Variants in MRTO4 observed in about 807,000 individuals in gnomAD.
MRTO4 encodes mRNA turnover protein 4 homolog.
Under a neutral mutation model 28.6 loss-of-function variants are expected in MRTO4, and 7 were observed. The observed-to-expected ratio is 0.24, with a 90% CI of 0.14 to 0.46. The LOEUF (loss-of-function observed/expected upper bound fraction) is 0.46. Ranked by LOEUF, MRTO4 falls within the 20% of genes least tolerant of loss-of-function variation. The probability of loss-of-function intolerance (pLI) is 0.99; values close to 1 mark genes in which losing one functional copy is unlikely to be tolerated. For missense variants in MRTO4, 302 were observed against 298.3 expected (o/e 1.01, Z -0.09); for synonymous variants, 113 against 108.2 (o/e 1.04, Z -0.27).
intron 2 of MRTO4, 104 bp from the exon 3 acceptor site, chr1:19,255,844 C>A (rs6694099): frequency 0.1 from 95,473 of 931,176 alleles, 7,703 homozygotes; most frequent in African/African-American, 0.37. Context: ...TTCCAGTTTC[C>A]ATAGTTGTCA....
At chr1:19,253,247 C>CCTGTGGAATTGAGCAG (rs2093666173) in intron 1 of MRTO4, among the ~76,000 whole-genome samples, 1 of 152,104 alleles carries the variant, frequency 6.6e-6, no homozygotes, top group South Asian at 2.1e-4. Flanking sequence ...AAGCGAGCAA[C>CCTGTGGAATTGAGCAG]CTGTGGAATT....
At chr1:19,255,269 A>G (rs984689978) in intron 2 of MRTO4, among the ~76,000 whole-genome samples, 1 of 152,080 alleles carries the variant, frequency 6.6e-6, no homozygotes, top group Non-Finnish European at 1.5e-5. Flanking sequence ...CAAGTGGGTC[A>G]GACAGCTTGA....
chr1:19,255,817 T>G, intron 2 of MRTO4, 131 bp from the exon 3 acceptor site: 2 of 722,346 alleles, frequency 2.8e-6, no homozygotes, highest in Non-Finnish European at 4.6e-6. Context: ...GACAACCAAA[T>G]TAGAGGCCTC....
chr1:19,255,225 G>C (rs927610082), intron 2 of MRTO4, among the ~76,000 whole-genome samples: 1 of 152,060 alleles, frequency 6.6e-6, no homozygotes, highest in African/African-American at 2.4e-5. Flanking sequence ...CAGGAATGGT[G>C]GGCCACGCCT....
In MRTO4 at chr1:19,256,008, A is replaced by T. The variant is rs2093670869; in HGVS notation, c.148A>T (p.Asn50Tyr). ...LFIFSVANMR[N>Y]SKLKDIRNAW... The stretch of plus-strand genomic sequence containing the variant: ...CATCTTCTCTGTGGCCAACATGAGG[A>T]ACAGCAAGCTGAAGGACATCCGGAA... Residue 50 changes from asparagine (N) to tyrosine (Y), a missense_variant, in exon 3 of 8, where the codon AAC becomes TAC. Asn to Tyr is a moderately radical substitution (Grantham distance 143). Coordinates refer to ENST00000330263, the MANE Select transcript of MRTO4 (RefSeq NM_016183.4). 1 of 1,614,138 alleles carries T rather than the reference A, an allele frequency of 6.2e-7. No homozygotes were observed. The highest frequency in any genetic ancestry group is 8.5e-7 in the Non-Finnish European group (1 of 1,180,028).
chr1:19,254,189 A>G (rs947529), intron 1 of MRTO4, among the ~76,000 whole-genome samples: 24,874 of 152,160 alleles, frequency 0.16, 3,213 homozygotes, highest in African/African-American at 0.36. Context: ...CCTGGGCAAC[A>G]TGGCAAAAGC....
chr1:19,254,944 T>C, intron 2 of MRTO4, 104 bp downstream of exon 2: 1 of 950,178 alleles, frequency 1.1e-6, no homozygotes, highest in Non-Finnish European at 1.5e-6. Context: ...AACATACTAG[T>C]GGGGAAAAAA....
intron 2 of MRTO4, 50 bp downstream of exon 2, chr1:19,254,890 T>C: frequency 6.6e-7 from 1 of 1,522,672 alleles, no homozygotes; most frequent in Non-Finnish European, 9.0e-7. Flanking sequence ...TTTATAAAGG[T>C]AGGTATAGGA....
Position 19,259,786 on chromosome 1 carries a change from G to C in MRTO4, c.*956G>C, listed in dbSNP as rs1383899364. The C allele has an allele frequency of 6.6e-6, 1 of 152,246 alleles. No homozygotes were observed. The highest frequency in any genetic ancestry group is 1.9e-4 in the East Asian group (1 of 5,206). The allele number at this position is 152,246 out of a possible 1,614,324, so 9.4% of individuals were successfully genotyped here. On this transcript the variant is annotated 3_prime_UTR_variant, in exon 8 of 8. Transcript: ENST00000330263. ...TGATGGATGCCAGGAAGACAGCCTT[G>C]GGCTGAGAGTGACATCACTGCAAGA... is the stretch of plus-strand genomic sequence containing the variant.
At chr1:19,253,716 TTGTC>T (rs1227190384) in intron 1 of MRTO4, among the ~76,000 whole-genome samples, 1 of 152,172 alleles carries the variant, frequency 6.6e-6, no homozygotes, top group Admixed American at 6.5e-5. Context: ...GTCATTGTCT[TTGTC>T]TGTGTGGTAC....
At position 19,255,839 on chromosome 1, in the gene MRTO4, G is replaced by T. The variant is rs138980816; in HGVS notation, c.88-109G>T. ...AAATTAGAGGCCTCCAGTTCTTCCAGTTTCCATAGTTGTCAGGGGCCCAGA... is the reference window on the plus strand; with the variant it reads ...AAATTAGAGGCCTCCAGTTCTTCCATTTTCCATAGTTGTCAGGGGCCCAGA... On this transcript the variant is annotated intron_variant, in intron 2 of 7. Coordinates refer to ENST00000330263, the MANE Select transcript of MRTO4 (RefSeq NM_016183.4). 4.4e-3 allele frequency: 3,894 copies of T among 890,850 alleles called. 10 individuals carry two copies. Among genetic ancestry groups the T allele is most frequent in the Non-Finnish European group, 6.3e-3 (3,577 of 572,162 alleles). The allele number at this position is 890,850 out of a possible 1,614,324, so 55.2% of individuals were successfully genotyped here.
rs769251854 is a variant in MRTO4 at position 19,259,090 on chromosome 1, G to A, written c.*260G>A. The A allele has an allele frequency of 4.4e-5, 14 of 321,350 alleles. No homozygotes were observed. The highest frequency in any genetic ancestry group is 9.1e-4 in the Middle Eastern group (1 of 1,098). 19.9% of individuals were successfully genotyped at this position (321,350 alleles called of 1,614,324 possible). On this transcript the variant is annotated 3_prime_UTR_variant, in exon 8 of 8. Coordinates refer to ENST00000330263, the MANE Select transcript of MRTO4 (RefSeq NM_016183.4). ...ATCCTGGCTAACACGGTGAAACCCC[G>A]TCTCTACTAAAAATAGAAAAAAAAA... is the stretch of plus-strand genomic sequence containing the variant.
Position 19,257,862 on chromosome 1 carries a change from A to C in MRTO4, c.371A>C (p.Tyr124Ser). ...TTCACGAAATACACAGAAATGGACT[A>C]CGCCCGAGCTGGTAACAAAGCAGCT... is the stretch of plus-strand genomic sequence containing the variant. The part of the protein sequence containing the change: ...EWFTKYTEMD[Y>S]ARAGNKAAFT... Residue 124 changes from tyrosine (Y) to serine (S), a missense_variant, in exon 6 of 8, where the codon TAC becomes TCC. Transcript: ENST00000330263. The C allele has an allele frequency of 6.2e-7, 1 of 1,613,614 alleles. No individual in the cohort carries two copies. The highest frequency in any genetic ancestry group is 1.3e-5 in the African/African-American group (1 of 75,002).
intron 3 of MRTO4, among the ~76,000 whole-genome samples, chr1:19,256,768 C>A (rs1420059933): frequency 6.6e-6 from 1 of 152,202 alleles, no homozygotes; most frequent in African/African-American, 2.4e-5. Context: ...CTTGCCGCAC[C>A]AGCTCTGGTT....
At position 19,252,204 on chromosome 1, in the gene MRTO4, C is replaced by T. The variant is rs574397002; in HGVS notation, c.28+341C>T. 2.5e-4 allele frequency: 95 copies of T among 376,120 alleles called. 1 individual carries two copies. In the East Asian group the frequency reaches 4.4e-3, roughly 18 times the overall value. 23.3% of individuals were successfully genotyped at this position (376,120 alleles called of 1,614,324 possible). A position where few individuals can be genotyped will look rare whatever the true frequency, so the allele number is the denominator to read the frequency against. ...CCAACTTCGGCCCTTTCTCATCTTC[C>T]TGCGCTCCCGCCACCCTGGCTGCCT... On this transcript the variant is annotated intron_variant, in intron 1 of 7. Coordinates refer to ENST00000330263, the MANE Select transcript of MRTO4 (RefSeq NM_016183.4).
intron 1 of MRTO4, 70 bp from the exon 2 acceptor site, chr1:19,254,712 G>C: frequency 7.8e-7 from 1 of 1,285,362 alleles, no homozygotes; most frequent in Non-Finnish European, 1.1e-6. Context: ...TGCCAAAGGG[G>C]AGAAGAAAAT....
chr1:19,254,677 T>C, intron 1 of MRTO4, 105 bp from the exon 2 acceptor site: 1 of 944,698 alleles, frequency 1.1e-6, no homozygotes, highest in South Asian at 1.3e-5. Context: ...TTTTTCAGAA[T>C]GGCTGCATCC....
chr1:19,258,357 T>G, intron 6 of MRTO4, 120 bp from the exon 7 acceptor site: 1 of 1,179,280 alleles, frequency 8.5e-7, no homozygotes. Flanking sequence ...CACTGCCCAG[T>G]GTGTGTTGGA....
In MRTO4 at chr1:19,251,807, C is replaced by T; in HGVS notation, c.-29C>T. On this transcript the variant is annotated 5_prime_UTR_variant, in exon 1 of 8. Coordinates refer to ENST00000330263, the MANE Select transcript of MRTO4 (RefSeq NM_016183.4). The stretch of plus-strand genomic sequence containing the variant: ...CCGCCGGGGTCCTAACGGGGTGCAC[C>T]GTCTTCCGCCGCACGTGGATTCAGC... The T allele has an allele frequency of 1.3e-6, 2 of 1,562,832 alleles. No individual in the cohort carries two copies. Among genetic ancestry groups the T allele is most frequent in the Non-Finnish European group, 1.7e-6 (2 of 1,154,674 alleles).
Sources: allele counts gnomAD v4.1 joint callset (sites outside exome capture counted in the v4.1 genomes callset), GRCh38; gene constraint gnomAD v4.1.1; transcripts MANE v1.5; gene names NCBI Gene and HGNC (gene_info 2026-07-23, HGNC 2026-07-21).